CTNND2: variants seen among roughly 807,000 people sequenced by gnomAD.
The protein encoded by CTNND2 is catenin delta 2.
In CTNND2, 22 loss-of-function variants were observed where a neutral mutation model predicts 144.4. The observed-to-expected ratio is 0.15, with a 90% CI of 0.11 to 0.22. The LOEUF (loss-of-function observed/expected upper bound fraction) is 0.22, where lower values mean the gene tolerates loss of function less well. Among genes scored for constraint, CTNND2 ranks in the 10% least tolerant of loss-of-function variants. CTNND2 has a pLI of 1.00. For synonymous variants in CTNND2, 751 were observed against 695.6 expected (o/e 1.08, Z -1.25); for missense variants, 1,353 against 1,618.8 (o/e 0.84, Z 2.82).
intron 1 of CTNND2, among the ~76,000 whole-genome samples, chr5:11,870,694 A>T (rs1735035354): frequency 6.6e-6 from 1 of 152,210 alleles, no homozygotes; most frequent in Admixed American, 6.5e-5. Flanking sequence ...TGTTGCTACC[A>T]TTCTGCTCAC....
intron 9 of CTNND2, among the ~76,000 whole-genome samples, chr5:11,280,058 T>C (rs997120110): frequency 2.0e-5 from 3 of 152,172 alleles, no homozygotes; most frequent in Non-Finnish European, 4.4e-5. Flanking sequence ...TTCACCTTAC[T>C]TGCAATAAGA....
At chr5:11,635,285 A>G (rs1781624866) in intron 2 of CTNND2, among the ~76,000 whole-genome samples, 1 of 152,144 alleles carries the variant, frequency 6.6e-6, no homozygotes, top group African/African-American at 2.4e-5. Context: ...AGAAAGAAGA[A>G]GGCATCACCC....
At chr5:11,073,059 T>C (rs571886047) in intron 16 of CTNND2, among the ~76,000 whole-genome samples, 2 of 152,326 alleles carry the variant, frequency 1.3e-5, no homozygotes, top group East Asian at 3.9e-4. Flanking sequence ...ATAAATATAA[T>C]CAAACATCAG....
Position 11,116,971 on chromosome 5 carries a change from A to G in CTNND2, c.2277+479T>C, listed in dbSNP as rs151327236. ...CTACTCAGGAGGCTGAAGCAGGAGA[A>G]TCACTTGATCCCAGGAGGTGGAGGT... is the stretch of plus-strand genomic sequence containing the variant. On this transcript the variant is annotated intron_variant, in intron 13 of 21. Coordinates refer to ENST00000304623, the MANE Select transcript of CTNND2 (RefSeq NM_001332.4). Among the ~76,000 whole-genome samples the G allele has an allele frequency of 4.5e-3, 690 of 152,200 alleles. 2 individuals are homozygous for G. Among genetic ancestry groups the G allele is most frequent in the Admixed American group, 7.5e-3 (114 of 15,294 alleles).
intron 15 of CTNND2, among the ~76,000 whole-genome samples, chr5:11,086,284 C>T (rs1008020897): frequency 1.3e-5 from 2 of 152,068 alleles, no homozygotes; most frequent in Non-Finnish European, 2.9e-5. Flanking sequence ...ATGGTCCAAT[C>T]ACCAATCACC....
intron 16 of CTNND2, among the ~76,000 whole-genome samples, chr5:11,075,015 AG>A (rs1748781181): frequency 6.6e-6 from 1 of 151,968 alleles, no homozygotes; most frequent in African/African-American, 2.4e-5. Flanking sequence ...ATGTGGGGAA[AG>A]GAATAGCAAT....
rs1353374592 is a variant in CTNND2 at position 11,016,949 on chromosome 5, G to T, written c.3084+1025C>A. On this transcript the variant is annotated intron_variant, in intron 18 of 21. Transcript: ENST00000304623. ...CACGCCGAGCTTTTTATTTTTTTTT[G>T]AATTATTAGTAGAGACTGGGTTTCA... Among the ~76,000 whole-genome samples the T allele has an allele frequency of 1.4e-4, 20 of 143,740 alleles. No homozygotes were observed. In the South Asian group the frequency reaches 4.3e-3, roughly 31 times the overall value. The allele number at this position is 143,740 out of a possible 152,430, so 94.3% of individuals were successfully genotyped here.
chr5:11,697,499 G>A (rs1341559085), intron 2 of CTNND2, among the ~76,000 whole-genome samples: 1 of 152,160 alleles, frequency 6.6e-6, no homozygotes, highest in African/African-American at 2.4e-5. Context: ...TTATAAGTCA[G>A]TAACAGTATA....
At position 11,098,653 on chromosome 5, in the gene CTNND2, C is replaced by G. The variant is rs760426405; in HGVS notation, c.2559G>C (p.Leu853=). ...HPSIVKPYLT[L]LSECSNPDTL... is the part of the protein sequence containing the mutation. ...TGTCTGGATTTGAGCACTCAGAGAG[C>G]AGTGTGAGGTAGGGTTTGACTATTG... Residue 853 remains leucine (L), a synonymous_variant, in exon 15 of 22, where the codon CTG becomes CTC. Transcript: ENST00000304623. 4.0e-5 allele frequency: 64 copies of G among 1,614,004 alleles called. No individual in the cohort carries two copies. The highest frequency in any genetic ancestry group is 5.3e-5 in the Non-Finnish European group (63 of 1,180,012).
At chr5:11,087,970 G>T (rs1561283778) in intron 15 of CTNND2, among the ~76,000 whole-genome samples, 1 of 152,194 alleles carries the variant, frequency 6.6e-6, no homozygotes, top group African/African-American at 2.4e-5. Context: ...ATTCACTGAA[G>T]AGATTGGAAG....
chr5:11,420,323 A>AAAAAAC (rs1214189497), intron 3 of CTNND2, among the ~76,000 whole-genome samples: 1 of 152,280 alleles, frequency 6.6e-6, no homozygotes, highest in African/African-American at 2.4e-5. Flanking sequence ...ACTTCGTGTC[A>AAAAAAC]AAAAACAAAA....
chr5:10,986,668 C>T (rs1016972155), intron 20 of CTNND2: 4 of 456,082 alleles, frequency 8.8e-6, no homozygotes, highest in South Asian at 3.1e-5. Flanking sequence ...TAGGTTCTCC[C>T]GTTCAGGAAA....
intron 9 of CTNND2, among the ~76,000 whole-genome samples, chr5:11,278,697 T>C (rs1224694876): frequency 6.6e-6 from 1 of 152,138 alleles, no homozygotes; most frequent in Non-Finnish European, 1.5e-5. Flanking sequence ...GCAATACAGA[T>C]GATAATCAAA....
At chr5:11,181,771 T>G (rs1735005650) in intron 11 of CTNND2, among the ~76,000 whole-genome samples, 1 of 143,346 alleles carries the variant, frequency 7.0e-6, no homozygotes, top group South Asian at 2.3e-4. Context: ...TGTGTGTGTG[T>G]GTGTCTGTGT....
At chr5:11,608,938 T>C (rs1014862736) in intron 2 of CTNND2, among the ~76,000 whole-genome samples, 16 of 152,196 alleles carry the variant, frequency 1.1e-4, no homozygotes, top group Non-Finnish European at 1.9e-4. Context: ...ACTTTCATCC[T>C]TCCCACTTTT....
At chr5:11,501,330 C>T (rs1403269177) in intron 3 of CTNND2, among the ~76,000 whole-genome samples, 2 of 152,200 alleles carry the variant, frequency 1.3e-5, no homozygotes, top group African/African-American at 4.8e-5. Context: ...TTATCTCTCT[C>T]CAGATATGAT....
At chr5:11,580,297 T>C (rs1311059274) in intron 2 of CTNND2, among the ~76,000 whole-genome samples, 1 of 152,220 alleles carries the variant, frequency 6.6e-6, no homozygotes, top group Non-Finnish European at 1.5e-5. Flanking sequence ...AGGAAACAGA[T>C]ATTCAGTATA....
intron 3 of CTNND2, among the ~76,000 whole-genome samples, chr5:11,471,817 A>G (rs966009060): frequency 1.4e-4 from 22 of 152,230 alleles, no homozygotes; most frequent in Non-Finnish European, 2.4e-4. Context: ...CCAGAAGAAT[A>G]GGAATTAGGT....
chr5:11,736,105 CTATTTCAA>C lies in CTNND2; in HGVS notation c.38-3841_38-3834del, dbSNP rs1787669518. The stretch of plus-strand genomic sequence containing the variant: ...ACTCAGGCTTTCTGCCTTTTAATTC[CTATTTCAA>C]TGTCCTTTGATGTGTCAGCCTATTT... On this transcript the variant is annotated intron_variant, in intron 1 of 21. Transcript: ENST00000304623. 2.0e-5 allele frequency among the ~76,000 whole-genome samples: 3 copies of C among 152,308 alleles called. No homozygotes were observed. In the South Asian group the frequency reaches 6.2e-4, roughly 32 times the overall value.
Sources: gnomAD v4.1 joint callset for allele counts (sites outside exome capture counted in the v4.1 genomes callset) on GRCh38, gnomAD v4.1.1 for gene constraint, MANE v1.5 for transcripts, NCBI Gene and HGNC (gene_info 2026-07-23, HGNC 2026-07-21) for gene names.